Variants in NCAPH observed in about 807,000 individuals in gnomAD.
NCAPH encodes the protein non-SMC condensin I complex subunit H.
NCAPH carries 38 observed loss-of-function variants against 85.5 expected under a neutral mutation model. The ratio of observed to expected loss-of-function variants is 0.44; its 90% CI spans 0.34 to 0.58. NCAPH has a LOEUF of 0.58. NCAPH is among the 20% of genes least tolerant of loss of function. NCAPH has a pLI of 0.01. For missense variants in NCAPH, 789 were observed against 916.6 expected, an observed-to-expected ratio of 0.86 and a Z score of 1.80; for synonymous variants, 301 against 335.1, an observed-to-expected ratio of 0.90 and a Z score of 1.11.
chr2:96,354,171 T>C lies in NCAPH; in HGVS notation c.1003-12T>C. ...GGAATGAGAATTACAGAACCCTCTT[T>C]TGTCCCTCCAGTCTGTGTCGGCCCT... On this transcript the variant is annotated splice_polypyrimidine_tract_variant and intron_variant, in intron 8 of 17. Coordinates refer to ENST00000240423, the MANE Select transcript of NCAPH (RefSeq NM_015341.5). 1 of 1,611,278 alleles carries C rather than the reference T, an allele frequency of 6.2e-7. No individual in the cohort carries two copies. Among genetic ancestry groups the C allele is most frequent in the Non-Finnish European group, 8.5e-7 (1 of 1,178,474 alleles).
At chr2:96,335,994 T>TCCCCTCCCCCCGCACCG in intron 1 of NCAPH, 146 bp downstream of exon 1, 1 of 339,100 alleles carries the variant, frequency 2.9e-6, no homozygotes. Context: ...CAGAGGCCGG[T>TCCCCTCCCCCCGCACCG]GCGGGGGGAG....
intron 7 of NCAPH, among the ~76,000 whole-genome samples, chr2:96,352,385 C>A (rs1285006586): frequency 6.6e-6 from 1 of 152,164 alleles, no homozygotes; most frequent in East Asian, 1.9e-4. Context: ...GCCAGAGAGG[C>A]TTTGTTTTTA....
intron 15 of NCAPH, 90 bp from the exon 16 acceptor site, chr2:96,368,882 T>A (rs980490561): frequency 1.7e-6 from 2 of 1,191,408 alleles, no homozygotes; most frequent in Admixed American, 2.5e-5. Flanking sequence ...TGTTTAGGTA[T>A]AGACTTTTTG....
In NCAPH at chr2:96,341,643, A is replaced by T; in HGVS notation, c.21A>T (p.Ala7=). Reference sequence around the variant, plus strand: ...TCTTGAGCAAGAATTTTGTTCCAGCACTGCCAGCCACAATGAATAACTCTT... The same window carrying T: ...TCTTGAGCAAGAATTTTGTTCCAGCTCTGCCAGCCACAATGAATAACTCTT... MGPPGP[A]LPATMNNSSS... The change falls in exon 2 of 18, where the codon GCA becomes GCT. Residue 7 remains alanine, a splice_region_variant and synonymous_variant. Coordinates refer to ENST00000240423, the MANE Select transcript of NCAPH (RefSeq NM_015341.5). 1 of 1,609,062 alleles carries T rather than the reference A, an allele frequency of 6.2e-7. No homozygotes were observed.
intron 17 of NCAPH, among the ~76,000 whole-genome samples, chr2:96,370,454 A>G (rs1287623634): frequency 2.6e-5 from 4 of 152,196 alleles, no homozygotes; most frequent in African/African-American, 7.2e-5. Flanking sequence ...CTACATGCCA[A>G]CATGTGACCT....
chr2:96,366,876 C>T (rs1284048342), intron 14 of NCAPH, among the ~76,000 whole-genome samples: 1 of 37,572 alleles, frequency 2.7e-5, no homozygotes, highest in African/African-American at 1.1e-4. Flanking sequence ...GACTCCGTCT[C>T]AAAAAAAAAA....
At chr2:96,359,612 G>A (rs771514414) in intron 10 of NCAPH, among the ~76,000 whole-genome samples, 3 of 152,178 alleles carry the variant, frequency 2.0e-5, no homozygotes, top group Non-Finnish European at 2.9e-5. Flanking sequence ...AAAGGGATAA[G>A]CATCTGTTGT....
Position 96,373,459 on chromosome 2 carries a change from C to A in NCAPH, c.*108C>A. The A allele has an allele frequency of 1.0e-6, 1 of 999,428 alleles. No homozygotes were observed. The highest frequency in any genetic ancestry group is 1.6e-6 in the Non-Finnish European group (1 of 644,642). The allele number at this position is 999,428 out of a possible 1,614,324, so 61.9% of individuals were successfully genotyped here. On this transcript the variant is annotated 3_prime_UTR_variant, in exon 18 of 18. Coordinates refer to ENST00000240423, the MANE Select transcript of NCAPH (RefSeq NM_015341.5). ...CCATGGGCTTATACCCAGGCTGTAG[C>A]CAACTACCAACGTGCCTGTTTGTTT...
At chr2:96,360,545 A>G in intron 11 of NCAPH, 43 bp from the exon 12 acceptor site, 1 of 1,607,920 alleles carries the variant, frequency 6.2e-7, no homozygotes, top group Non-Finnish European at 8.5e-7. Flanking sequence ...TGTTTTGCCC[A>G]CTGTTAAAAT....
At chr2:96,347,187 G>A (rs2064372786) in intron 6 of NCAPH, among the ~76,000 whole-genome samples, 1 of 151,990 alleles carries the variant, frequency 6.6e-6, no homozygotes, top group Admixed American at 6.5e-5. Context: ...TTTGACGGCT[G>A]TGAAGAGAAA....
At chr2:96,354,054 A>G (rs2064486383) in intron 8 of NCAPH, 129 bp from the exon 9 acceptor site, 2 of 876,084 alleles carry the variant, frequency 2.3e-6, no homozygotes, top group Non-Finnish European at 3.7e-6. Flanking sequence ...GGGATGGGAA[A>G]GGGAAGGGTG....
chr2:96,342,645 C>A, intron 3 of NCAPH, 111 bp from the exon 4 acceptor site: 1 of 826,104 alleles, frequency 1.2e-6, no homozygotes, highest in Non-Finnish European at 2.0e-6. Flanking sequence ...AGATCAGTGA[C>A]AATATGTGGG....
Position 96,342,155 on chromosome 2 carries a change from GTTTATTATTGAAGACGTAATCCCTTGA to G in NCAPH, c.363+17_363+43del. The G allele has an allele frequency of 6.4e-7, 1 of 1,574,382 alleles. No homozygotes were observed. The highest frequency in any genetic ancestry group is 8.7e-7 in the Non-Finnish European group (1 of 1,143,964). On this transcript the variant is annotated intron_variant, in intron 3 of 17. Transcript: ENST00000240423. ...CCACTGAAAATGTGAGTATTTGCTG[GTTTATTATTGAAGACGTAATCCCTTGA>G]TCACAGGGGAAATCCAGCTATCTTG...
In NCAPH at chr2:96,344,036, T is replaced by G. The variant is rs1049358942; in HGVS notation, c.596-69T>G. On this transcript the variant is annotated intron_variant, in intron 5 of 17. Transcript: ENST00000240423. The stretch of plus-strand genomic sequence containing the variant: ...TAAATTACGACAGGTTTTGAAGAAC[T>G]TGAGTTAGTAAGTTCATCACATGCT... 7 of 1,549,398 alleles carry G rather than the reference T, an allele frequency of 4.5e-6. No homozygotes were observed. In the African/African-American group the frequency reaches 8.3e-5, roughly 18 times the overall value.
rs909486692 is a variant in NCAPH at position 96,375,041 on chromosome 2, A to T, written c.*1690A>T. 2.0e-5 allele frequency among the ~76,000 whole-genome samples: 3 copies of T among 150,346 alleles called. No individual in the cohort carries two copies. Among genetic ancestry groups the T allele is most frequent in the East Asian group, 1.9e-4 (1 of 5,162 alleles). On this transcript the variant is annotated 3_prime_UTR_variant, in exon 18 of 18. Coordinates refer to ENST00000240423, the MANE Select transcript of NCAPH (RefSeq NM_015341.5). ...CTGGGCAAAATAGAACCCCATCTTT[A>T]AAAAAAAAGTTTAAAAATTAGCCAG...
chr2:96,360,812 G>C (rs558052033), intron 12 of NCAPH, 102 bp downstream of exon 12: 1 of 1,455,592 alleles, frequency 6.9e-7, no homozygotes, highest in African/African-American at 1.4e-5. Context: ...TGTGAGGAGT[G>C]GTATGTGTTA....
chr2:96,339,290 C>CT (rs1558787420), intron 1 of NCAPH, among the ~76,000 whole-genome samples: 1 of 152,120 alleles, frequency 6.6e-6, no homozygotes. Flanking sequence ...TCTCTCCACC[C>CT]TTTTACAGTA....
At chr2:96,354,528 T>A in intron 9 of NCAPH, 140 bp downstream of exon 9, 2 of 712,582 alleles carry the variant, frequency 2.8e-6, no homozygotes, top group Non-Finnish European at 4.2e-6. Flanking sequence ...CTCACTGCAT[T>A]GCCCAGGCTG....
At chr2:96,367,124 A>G (rs1307025125) in intron 14 of NCAPH, 133 bp from the exon 15 acceptor site, 1 of 596,834 alleles carries the variant, frequency 1.7e-6, no homozygotes, top group Non-Finnish European at 3.0e-6. Flanking sequence ...AAACAAAACA[A>G]GAGAGCTCTG....
Sources: allele counts gnomAD v4.1 joint callset (sites outside exome capture counted in the v4.1 genomes callset), GRCh38; gene constraint gnomAD v4.1.1; transcripts MANE v1.5; gene names NCBI Gene and HGNC (gene_info 2026-07-23, HGNC 2026-07-21).